The following TTN variants were observed in gnomAD, a reference collection of about 807,000 sequenced individuals.
TTN encodes the protein connectin.
Under a neutral mutation model 3,223.0 loss-of-function variants are expected in TTN, and 1,525 were observed. The observed-to-expected ratio is 0.47, with a 90% CI of 0.45 to 0.49. The LOEUF (loss-of-function observed/expected upper bound fraction) is 0.49, where lower values mean the gene tolerates loss of function less well. Ranked by LOEUF, TTN falls within the 20% of genes least tolerant of loss-of-function variation. The pLI is 0.00. For missense variants in TTN, 40,786 were observed against 43,424.0 expected, an observed-to-expected ratio of 0.94 and a Z score of 5.40; for synonymous variants, 14,094 against 15,161.0, an observed-to-expected ratio of 0.93 and a Z score of 5.17.
chr2:178,576,884 AAATGTTTCCATGTC>A lies in TTN; in HGVS notation c.69412+25_69412+38del. The A allele has an allele frequency of 6.2e-7, 1 of 1,605,836 alleles. No homozygotes were observed. Among genetic ancestry groups the A allele is most frequent in the African/African-American group, 1.3e-5 (1 of 74,264 alleles). ...TCCATGATTTCCTAAACTCTGCTAT[AAATGTTTCCATGTC>A]AATTCCCTCACATGCTCTACATACC... On this transcript the variant is annotated intron_variant, in intron 324 of 362. Transcript: ENST00000589042. The surrounding 1 kb of genome is among the most constrained non-coding windows in gnomAD (Gnocchi z 4.3).
Position 178,600,882 on chromosome 2 carries a change from A to T in TTN, c.56022T>A (p.Val18674=), listed in dbSNP as rs768100784. ...AAGVSKPSAT[V]GPVTVKDQTC... ...TCTGGTCTTTGACAGTCACAGGGCC[A>T]ACAGTGGCTGAAGGCTTGCTGACTC... is the stretch of plus-strand genomic sequence containing the variant. The change falls in exon 288 of 363, where the codon GTT becomes GTA. Residue 18674 remains valine (V), a synonymous_variant. Transcript: ENST00000589042. 6.2e-7 allele frequency: 1 copy of T among 1,612,900 alleles called. No homozygotes were observed. Among genetic ancestry groups the T allele is most frequent in the East Asian group, 2.2e-5 (1 of 44,748 alleles).
chr2:178,695,508 C>T (rs1001105462), intron 114 of TTN, 98 bp from the exon 115 acceptor site: 22 of 914,322 alleles, frequency 2.4e-5, no homozygotes, highest in East Asian at 1.7e-4. Context: ...AATATATAAT[C>T]GTGTGAAGTA....
chr2:178,554,813 T>A, intron 331 of TTN, 52 bp downstream of exon 331: 1 of 1,612,198 alleles, frequency 6.2e-7, no homozygotes, highest in South Asian at 1.1e-5. Flanking sequence ...TGTTCAAAAT[T>A]ACTAAGCTTT....
chr2:178,696,961 G>A (rs189214385), intron 113 of TTN, among the ~76,000 whole-genome samples, 160 bp downstream of exon 113: 133 of 152,118 alleles, frequency 8.7e-4, no homozygotes, highest in Admixed American at 4.3e-3. Flanking sequence ...TGGGAAAGGG[G>A]CAATATGAAA....
chr2:178,548,640 G>A lies in TTN; in HGVS notation c.92986C>T (p.Leu30996Phe), dbSNP rs1698155054. 1 of 1,613,880 alleles carries A rather than the reference G, an allele frequency of 6.2e-7. No homozygotes were observed. Among genetic ancestry groups the A allele is most frequent in the Non-Finnish European group, 8.5e-7 (1 of 1,179,808 alleles). Residue 30996 changes from leucine to phenylalanine, a missense_variant, in exon 339 of 363, where the codon CTT becomes TTT. By Grantham distance (22) the Leu-to-Phe change is conservative (BLOSUM62 0). Transcript: ENST00000589042. This position sits in a 1 kb window ranked among gnomAD's most constrained non-coding sequence, Gnocchi z 4.3. ...CNRNDAGKYT[L>F]TVENNSGSKS... ...CTACCACTGTTGTTTTCCACAGTAAGGGTATATTTCCCTGCATCATTTCTG... is the reference window on the plus strand; with the variant it reads ...CTACCACTGTTGTTTTCCACAGTAAAGGTATATTTCCCTGCATCATTTCTG...
rs1243301263 is a variant in TTN at position 178,548,085 on chromosome 2, C to T, written c.93541G>A (p.Glu31181Lys). 1 of 1,613,808 alleles carries T rather than the reference C, an allele frequency of 6.2e-7. No individual in the cohort carries two copies. The highest frequency in any genetic ancestry group is 2.2e-5 in the East Asian group (1 of 44,864). Residue 31181 changes from glutamate to lysine, a missense_variant, in exon 339 of 363, where the codon GAA (glutamate) becomes AAA (lysine). Coordinates refer to ENST00000589042, the MANE Select transcript of TTN (RefSeq NM_001267550.2). The surrounding 1 kb of genome is among the most constrained non-coding windows in gnomAD (Gnocchi z 4.3). The stretch of plus-strand genomic sequence containing the variant: ...TTGGCCTTCACACGGAATTCATATT[C>T]AGTTTTCTCAACAAGACGCTCTACT... Reference protein sequence around the residue: ...FTVERLVEKTEYEFRVKAKND... With the variant: ...FTVERLVEKTKYEFRVKAKND...
Position 178,560,363 on chromosome 2 carries a change from C to A in TTN, c.85769G>T (p.Arg28590Leu). 1.9e-6 allele frequency: 3 copies of A among 1,613,660 alleles called. No homozygotes were observed. Among genetic ancestry groups the A allele is most frequent in the Non-Finnish European group, 2.5e-6 (3 of 1,179,742 alleles). The part of the protein sequence containing the change: ...SEISGYIIER[R>L]EKNSLRWVRV... ...CACCCATCTTAGGCTATTTTTCTCT[C>A]GCCTTTCAATTATATATCCAGATAT... Residue 28590 changes from arginine to leucine, a missense_variant, in exon 326 of 363, where the codon CGA becomes CTA. Coordinates refer to ENST00000589042, the MANE Select transcript of TTN (RefSeq NM_001267550.2).
rs1561445221 is a variant in TTN at position 178,792,175 on chromosome 2, GT to G, written c.1558del (p.Thr520HisfsTer6). On this transcript the variant is annotated frameshift_variant, in exon 10 of 363. Transcript: ENST00000589042. LOFTEE classifies it high-confidence loss of function. ...HEQIRKETEK[T>X]FVPKVVISAA... ...GGAAATTACTACCTTTGGTACAAAT[GT>G]TTTTTCAGTTTCTTTTCTTATCTGC... is the stretch of plus-strand genomic sequence containing the variant. 6.2e-7 allele frequency: 1 copy of G among 1,607,362 alleles called. No individual in the cohort carries two copies. Among genetic ancestry groups the G allele is most frequent in the Non-Finnish European group, 8.5e-7 (1 of 1,178,434 alleles).
Position 178,605,433 on chromosome 2 carries a change from T to C in TTN, c.53862A>G (p.Val17954=). The C allele has an allele frequency of 6.2e-7, 1 of 1,603,190 alleles. No homozygotes were observed. The highest frequency in any genetic ancestry group is 8.5e-7 in the Non-Finnish European group (1 of 1,173,752). The stretch of plus-strand genomic sequence containing the variant: ...CCGCACCTTCATCATCTTGTATGAC[T>C]ACATTAAGAGGTAGGGATGGTTCAC... ...GESEPSLPLN[V]VIQDDEVPPT... Residue 17954 remains valine (V), a synonymous_variant, in exon 279 of 363, where the codon GTA becomes GTG. Transcript: ENST00000589042.
In TTN at chr2:178,774,419, T is replaced by G. The variant is rs754307416; in HGVS notation, c.6845A>C (p.Tyr2282Ser). The part of the protein sequence containing the change: ...ELQDIEVPES[Y>S]SGELECIVSP... ...TACAATGCACTCTAATTCTCCTGAA[T>G]ATGATTCTGGAACTTCTATGTCCTG... Residue 2282 changes from tyrosine (Y) to serine (S), a missense_variant, in exon 30 of 363, where the codon TAT becomes TCT. Coordinates refer to ENST00000589042, the MANE Select transcript of TTN (RefSeq NM_001267550.2). 4.3e-6 allele frequency: 7 copies of G among 1,613,746 alleles called. No homozygotes were observed. Among genetic ancestry groups the G allele is most frequent in the Middle Eastern group, 1.6e-4 (1 of 6,082 alleles).
At position 178,589,104 on chromosome 2, in the gene TTN, A is replaced by G; in HGVS notation, c.62621T>C (p.Val20874Ala). The G allele has an allele frequency of 6.2e-7, 1 of 1,611,310 alleles. No homozygotes were observed. Among genetic ancestry groups the G allele is most frequent in the Non-Finnish European group, 8.5e-7 (1 of 1,179,582 alleles). ...AGTACACCTATCACTGGACACATCA[A>G]CAATTTTCAGATTTCTCACAGGACC... is the stretch of plus-strand genomic sequence containing the variant. ...KPGPVRNLKI[V>A]DVSSDRCTVC... is the part of the protein sequence containing the mutation. The change falls in exon 304 of 363, where the codon GTT becomes GCT. Residue 20874 changes from valine to alanine, a missense_variant. By Grantham distance (64) the Val-to-Ala change is moderately conservative. Coordinates refer to ENST00000589042, the MANE Select transcript of TTN (RefSeq NM_001267550.2).
At position 178,543,511 on chromosome 2, in the gene TTN, T is replaced by C. The variant is rs776263585; in HGVS notation, c.96462A>G (p.Thr32154=). 9 of 1,613,492 alleles carry C rather than the reference T, an allele frequency of 5.6e-6. No homozygotes were observed. Among genetic ancestry groups the C allele is most frequent in the Non-Finnish European group, 7.6e-6 (9 of 1,179,742 alleles). ...GTGTCTTGCTGCATTTGGTAGTTAC[T>C]GTTTTGAATGCTCTCATAGCAGCTT... The part of the protein sequence containing the change: ...KREAAMRAFK[T]VTTKCSKTLY... Residue 32154 remains threonine, a synonymous_variant, in exon 347 of 363, where the codon ACA becomes ACG. Coordinates refer to ENST00000589042, the MANE Select transcript of TTN (RefSeq NM_001267550.2).
chr2:178,558,964 C>CA, intron 326 of TTN: 1 of 369,872 alleles, frequency 2.7e-6, no homozygotes, highest in East Asian at 6.5e-5. Context: ...TTTCTGTACA[C>CA]ACGCACATAC....
intron 218 of TTN, among the ~76,000 whole-genome samples, chr2:178,643,115 A>G (rs1037522334): frequency 1.3e-5 from 2 of 151,868 alleles, no homozygotes; most frequent in Admixed American, 6.6e-5. Context: ...TGATTATTAA[A>G]CCATTTTCCT....
In TTN at chr2:178,566,064, A is replaced by G. The variant is rs770595544; in HGVS notation, c.80068T>C (p.Leu26690=). ...TCTTTTCTCACTTCTTTGACTGCCA[A>G]ATTCTGTGGTGGTCCTGGAGTGTCA... ...VLDTPGPPQN[L]AVKEVRKDSA... Residue 26690 remains leucine (L), a synonymous_variant, in exon 326 of 363, where the codon TTG becomes CTG. Transcript: ENST00000589042. 5 of 1,613,578 alleles carry G rather than the reference A, an allele frequency of 3.1e-6. No homozygotes were observed. The East Asian group carries it at 1.1e-4, about 36-fold the overall frequency.
Position 178,741,780 on chromosome 2 carries a change from G to T in TTN, c.11453C>A (p.Thr3818Asn), listed in dbSNP as rs1209898883. 1 of 1,613,510 alleles carries T rather than the reference G, an allele frequency of 6.2e-7. No homozygotes were observed. The highest frequency in any genetic ancestry group is 8.5e-7 in the Non-Finnish European group (1 of 1,179,712). Reference protein sequence around the residue: ...PTKFDSEKEGTGPIFIKEVSN... With the variant: ...PTKFDSEKEGNGPIFIKEVSN... ...CACTTCTTTGATGAAAATTGGGCCAGTGCCTTCCTTTTCGGAATCAAATTT... is the reference window on the plus strand; with the variant it reads ...CACTTCTTTGATGAAAATTGGGCCATTGCCTTCCTTTTCGGAATCAAATTT... Residue 3818 changes from threonine (T) to asparagine (N), a missense_variant, in exon 48 of 363, where the codon ACT (threonine) becomes AAT (asparagine). Physicochemically the swap from Thr to Asn is moderately conservative, Grantham distance 65. Coordinates refer to ENST00000589042, the MANE Select transcript of TTN (RefSeq NM_001267550.2).
chr2:178,711,492 A>C, intron 96 of TTN, 143 bp from the exon 97 acceptor site: 2 of 1,061,900 alleles, frequency 1.9e-6, no homozygotes, highest in East Asian at 2.7e-5. Context: ...CTTGGAGATA[A>C]AGAAAAGCAT....
chr2:178,564,764 T>G lies in TTN; in HGVS notation c.81368A>C (p.Asn27123Thr). ...TTTGGTGTCCTGAATGGGGGTCTTA[T>G]TTAACTTGACCCATAAAATACTGTT... Reference protein sequence around the residue: ...EKNSILWVKLNKTPIQDTKFK... With the variant: ...EKNSILWVKLTKTPIQDTKFK... Residue 27123 changes from asparagine to threonine, a missense_variant, in exon 326 of 363, where the codon AAT becomes ACT. Physicochemically the swap from Asn to Thr is moderately conservative, Grantham distance 65. Coordinates refer to ENST00000589042, the MANE Select transcript of TTN (RefSeq NM_001267550.2). 4 of 1,612,348 alleles carry G rather than the reference T, an allele frequency of 2.5e-6. No individual in the cohort carries two copies. Among genetic ancestry groups the G allele is most frequent in the Non-Finnish European group, 3.4e-6 (4 of 1,179,084 alleles).
intron 44 of TTN, among the ~76,000 whole-genome samples, chr2:178,758,394 C>T (rs1168471430): frequency 1.3e-5 from 2 of 152,120 alleles, no homozygotes; most frequent in East Asian, 3.9e-4. Context: ...AAATGCTATC[C>T]TTGTTTGAAT....
Sources: gnomAD v4.1 joint callset for allele counts (sites outside exome capture counted in the v4.1 genomes callset) on GRCh38, gnomAD v4.1.1 for gene constraint, Gnocchi (gnomAD v3.1) non-coding constraint, MANE v1.5 for transcripts, NCBI Gene and HGNC (gene_info 2026-07-23, HGNC 2026-07-21) for gene names.